Variants in MTMR14 observed in about 807,000 individuals in gnomAD.
The protein encoded by MTMR14 is phosphatidylinositol-3,5-bisphosphate 3-phosphatase MTMR14.
MTMR14 carries 48 observed loss-of-function variants against 86.3 expected under a neutral mutation model. The ratio of observed to expected loss-of-function variants is 0.56; its 90% CI spans 0.44 to 0.71. The LOEUF (loss-of-function observed/expected upper bound fraction) is 0.71. Among genes scored for constraint, MTMR14 ranks in the 30% least tolerant of loss-of-function variants. The pLI, the probability that MTMR14 is intolerant of heterozygous loss-of-function variation, is 0.00. For missense variants in MTMR14, 780 were observed against 834.6 expected, an observed-to-expected ratio of 0.93 and a Z score of 0.81; for synonymous variants, 366 against 326.1, an observed-to-expected ratio of 1.12 and a Z score of -1.32.
At chr3:9,650,196 G>A (rs1199243607) in intron 1 of MTMR14, 1 of 392,702 alleles carries the variant, frequency 2.5e-6, no homozygotes, top group Non-Finnish European at 5.2e-6. Context: ...CCCTTATAAG[G>A]TCTCAGCATG....
chr3:9,689,333 G>T (rs1417463209), intron 16 of MTMR14, among the ~76,000 whole-genome samples: 1 of 152,230 alleles, frequency 6.6e-6, no homozygotes, highest in Non-Finnish European at 1.5e-5. Context: ...GCTGGGCAGG[G>T]TAGGGCAGGG....
chr3:9,681,208 T>G (rs1039970863), intron 9 of MTMR14, among the ~76,000 whole-genome samples: 2 of 152,234 alleles, frequency 1.3e-5, no homozygotes, highest in Non-Finnish European at 2.9e-5. Flanking sequence ...ATAGGAGCAG[T>G]TGTGGCAGGA....
chr3:9,659,768 G>A (rs1159979348), intron 2 of MTMR14: 1 of 456,544 alleles, frequency 2.2e-6, no homozygotes, highest in Non-Finnish European at 4.4e-6. Context: ...CTTGATGTAG[G>A]GGAACCGGTA....
intron 13 of MTMR14, among the ~76,000 whole-genome samples, chr3:9,685,737 C>T (rs1192760591): frequency 1.3e-5 from 2 of 152,176 alleles, no homozygotes; most frequent in Non-Finnish European, 2.9e-5. Context: ...ACCTGCTCTT[C>T]CTTCCTCTTC....
At chr3:9,649,840 C>T (rs1162860948) in intron 1 of MTMR14, 98 bp downstream of exon 1, 1 of 1,563,072 alleles carries the variant, frequency 6.4e-7, no homozygotes, top group Non-Finnish European at 8.7e-7. Flanking sequence ...AGGAGTGGTA[C>T]CTCGCCGCTG....
chr3:9,667,834 G>A (rs988598114), intron 3 of MTMR14, among the ~76,000 whole-genome samples: 3 of 152,144 alleles, frequency 2.0e-5, no homozygotes, highest in Non-Finnish European at 4.4e-5. Context: ...ATGGTACTTG[G>A]CAATCTTCCA....
chr3:9,688,311 C>T (rs772873838), intron 14 of MTMR14, among the ~76,000 whole-genome samples: 8 of 152,224 alleles, frequency 5.3e-5, no homozygotes, highest in Non-Finnish European at 8.8e-5. Context: ...GGGCAGAAGT[C>T]TGCTTCCGGC....
At chr3:9,684,280 A>G (rs1371834053) in intron 10 of MTMR14, among the ~76,000 whole-genome samples, 1 of 152,144 alleles carries the variant, frequency 6.6e-6, no homozygotes, top group African/African-American at 2.4e-5. Flanking sequence ...GCCCTCTGAG[A>G]AACTGGGTAG....
intron 5 of MTMR14, among the ~76,000 whole-genome samples, chr3:9,670,164 C>G (rs2048490210): frequency 6.6e-6 from 1 of 152,238 alleles, no homozygotes; most frequent in Admixed American, 6.5e-5. Flanking sequence ...TGTCAAGCAT[C>G]TCTGGAATGC....
chr3:9,651,728 C>T (rs1176066731), intron 1 of MTMR14, among the ~76,000 whole-genome samples: 2 of 151,782 alleles, frequency 1.3e-5, no homozygotes, highest in East Asian at 1.9e-4. Flanking sequence ...TGCAGTGGTG[C>T]GATCTTGGCT....
chr3:9,667,637 C>T (rs891713680), intron 3 of MTMR14, among the ~76,000 whole-genome samples: 1 of 152,064 alleles, frequency 6.6e-6, no homozygotes, highest in South Asian at 2.1e-4. Flanking sequence ...CCAATAATGC[C>T]CCTCATTCTG....
At position 9,662,295 on chromosome 3, in the gene MTMR14, T is replaced by C. The variant is rs2047986951; in HGVS notation, c.337T>C (p.Leu113=). ...TFESTVQVSK[L]QDLIHRSKMA... ...TGAGAGTACCGTACAGGTGAGCAAG[T>C]TGCAAGACCTCATCCACCGCAGCAA... The change falls in exon 3 of 19, where the codon TTG becomes CTG. Residue 113 remains leucine (L), a synonymous_variant. Transcript: ENST00000296003. 2 of 1,613,226 alleles carry C rather than the reference T, an allele frequency of 1.2e-6. No homozygotes were observed. Among genetic ancestry groups the C allele is most frequent in the Non-Finnish European group, 1.7e-6 (2 of 1,179,896 alleles).
intron 1 of MTMR14, among the ~76,000 whole-genome samples, chr3:9,653,315 T>TA (rs2124933095): frequency 6.6e-6 from 1 of 152,294 alleles, no homozygotes; most frequent in South Asian, 2.1e-4. Context: ...GACCAAGAGT[T>TA]CTTATGTTTT....
At chr3:9,698,654 C>CA (rs1000720503) in intron 18 of MTMR14, among the ~76,000 whole-genome samples, 1 of 152,170 alleles carries the variant, frequency 6.6e-6, no homozygotes, top group African/African-American at 2.4e-5. Context: ...AGGTGGGAGG[C>CA]AGGGTGCCTT....
At chr3:9,689,452 T>C (rs1488655595) in intron 16 of MTMR14, among the ~76,000 whole-genome samples, 1 of 152,162 alleles carries the variant, frequency 6.6e-6, no homozygotes, top group Non-Finnish European at 1.5e-5. Context: ...GATGGGGAAT[T>C]GGGAACTTGA....
At chr3:9,661,171 C>T (rs1054168419) in intron 2 of MTMR14, among the ~76,000 whole-genome samples, 3 of 152,204 alleles carry the variant, frequency 2.0e-5, no homozygotes, top group Non-Finnish European at 4.4e-5. Context: ...AGGCCTAGAG[C>T]CATGTGGACC....
rs779901219 is a variant in MTMR14 at position 9,655,461 on chromosome 3, C to CT, written c.308+1712dup. Among the ~76,000 whole-genome samples the CT allele has an allele frequency of 1.2e-3, 70 of 59,308 alleles. 2 individuals carry two copies. Among genetic ancestry groups the CT allele is most frequent in the African/African-American group, 2.5e-3 (40 of 15,794 alleles). 38.9% of individuals were successfully genotyped at this position (59,308 alleles called of 152,430 possible). The stretch of plus-strand genomic sequence containing the variant: ...CATTCTGTGAGAGCTCCCTTGATGT[C>CT]TTTTTTTTTTTTTTTTTTTTGAGAC... On this transcript the variant is annotated intron_variant, in intron 2 of 18. Coordinates refer to ENST00000296003, the MANE Select transcript of MTMR14 (RefSeq NM_001077525.3).
chr3:9,689,161 C>T (rs1575064725), intron 16 of MTMR14, 79 bp downstream of exon 16: 1 of 1,586,668 alleles, frequency 6.3e-7, no homozygotes, highest in Non-Finnish European at 8.5e-7. Context: ...GGCTGGAGCC[C>T]CAAGAACAAA....
In MTMR14 at chr3:9,672,766, GC is replaced by G; in HGVS notation, c.751+9del. ...TCTCCATCCCGTATCCAGGTAGGGG[GC>G]TCTCTTCTAGTGGCAGGCATCCTAG... On this transcript the variant is annotated intron_variant, in intron 7 of 18. Transcript: ENST00000296003. 6.2e-7 allele frequency: 1 copy of G among 1,613,910 alleles called. No individual in the cohort carries two copies. The highest frequency in any genetic ancestry group is 8.5e-7 in the Non-Finnish European group (1 of 1,179,822).
Sources: gnomAD v4.1 joint callset for allele counts (sites outside exome capture counted in the v4.1 genomes callset) on GRCh38, gnomAD v4.1.1 for gene constraint, MANE v1.5 for transcripts, NCBI Gene and HGNC (gene_info 2026-07-23, HGNC 2026-07-21) for gene names.